The following FBXO34 variants were observed in gnomAD, a reference collection of about 807,000 sequenced individuals.
FBXO34 encodes the protein F-box protein 34.
Under a neutral mutation model 24.5 loss-of-function variants are expected in FBXO34, and 12 were observed. That is an observed-to-expected ratio of 0.49 (90% CI 0.31 to 0.79). The LOEUF (loss-of-function observed/expected upper bound fraction) is 0.79, where lower values mean the gene tolerates loss of function less well. FBXO34 is among the 30% of genes least tolerant of loss of function. The pLI, the probability that FBXO34 is intolerant of heterozygous loss-of-function variation, is 0.04. For synonymous variants in FBXO34, 320 were observed against 311.9 expected, an observed-to-expected ratio of 1.03 and a Z score of -0.27; for missense variants, 823 against 857.7, an observed-to-expected ratio of 0.96 and a Z score of 0.51.
downstream of FBXO34, among the ~76,000 whole-genome samples, chr14:55,374,216 G>GTTTTTTTTTTTTTTAATTTTT (rs112314795): frequency 6.6e-6 from 1 of 151,232 alleles, no homozygotes. Flanking sequence ...TTATTTTAAT[G>GTTTTTTTTTTTTTTAATTTTT]TTTTTTTTTA....
At chr14:55,319,768 C>A (rs1025465649) in intron 1 of FBXO34, among the ~76,000 whole-genome samples, 2 of 152,276 alleles carry the variant, frequency 1.3e-5, no homozygotes, top group South Asian at 4.1e-4. Flanking sequence ...CTCTGCCTCC[C>A]GGGTTTACGC....
At chr14:55,378,298 A>C in the FBXO34 span, among the ~76,000 whole-genome samples, 1 of 152,248 alleles carries the variant, frequency 6.6e-6, no homozygotes, top group Non-Finnish European at 1.5e-5. Flanking sequence ...AAGCAATTCC[A>C]CGTCAGGACA....
the FBXO34 span, among the ~76,000 whole-genome samples, chr14:55,392,012 T>G: frequency 1.3e-5 from 2 of 152,198 alleles, no homozygotes; most frequent in African/African-American, 2.4e-5. Flanking sequence ...CCCCAACTTT[T>G]TTGGCACCAG....
At chr14:55,284,344 T>C (rs1057205083) in intron 1 of FBXO34, among the ~76,000 whole-genome samples, 1 of 151,924 alleles carries the variant, frequency 6.6e-6, no homozygotes, top group Non-Finnish European at 1.5e-5. Context: ...TGAAACCCTG[T>C]CTCTACTAAA....
chr14:55,434,172 C>A, the FBXO34 span, among the ~76,000 whole-genome samples: 1 of 152,174 alleles, frequency 6.6e-6, no homozygotes, highest in Non-Finnish European at 1.5e-5. Context: ...TAAAGGCTCA[C>A]CAAGACTTCA....
the FBXO34 span, chr14:55,424,084 G>T: frequency 2.0e-6 from 2 of 1,006,810 alleles, no homozygotes; most frequent in Non-Finnish European, 3.1e-6. Context: ...GGTGAACAAA[G>T]GTATTTAAAA....
intron 1 of FBXO34, among the ~76,000 whole-genome samples, chr14:55,274,587 T>C (rs1594717593): frequency 6.6e-6 from 1 of 152,222 alleles, no homozygotes; most frequent in Non-Finnish European, 1.5e-5. Flanking sequence ...ATCTTTCTGA[T>C]GGATAAAAGC....
chr14:55,306,466 C>G (rs534046183), intron 1 of FBXO34, among the ~76,000 whole-genome samples: 74 of 152,316 alleles, frequency 4.9e-4, no homozygotes, highest in South Asian at 3.9e-3. Flanking sequence ...GATGTCAGAT[C>G]CAGTATCCAG....
the FBXO34 span, among the ~76,000 whole-genome samples, chr14:55,400,825 A>T: frequency 2.6e-5 from 4 of 151,746 alleles, no homozygotes; most frequent in African/African-American, 9.7e-5. Flanking sequence ...AATTGCTTGA[A>T]CCCGGGAAGC....
At chr14:55,365,379 C>T (rs1054361366), downstream of FBXO34, among the ~76,000 whole-genome samples, 1 of 152,064 alleles carries the variant, frequency 6.6e-6, no homozygotes, top group East Asian at 1.9e-4. Context: ...AAAAAATTCA[C>T]TTCAACTATC....
At chr14:55,406,629 T>C in the FBXO34 span, among the ~76,000 whole-genome samples, 2 of 152,166 alleles carry the variant, frequency 1.3e-5, no homozygotes, top group Admixed American at 1.3e-4. Context: ...CATTAAAAAA[T>C]ATCTGGCTAT....
In FBXO34 at chr14:55,281,991, C is replaced by CTTTT. The variant is rs372305828; in HGVS notation, c.-11+10475_-11+10478dup. Among the ~76,000 whole-genome samples the CTTTT allele has an allele frequency of 4.7e-3, 305 of 65,110 alleles. 16 individuals carry two copies. The highest frequency in any genetic ancestry group is 0.011 in the African/African-American group (142 of 13,084). 42.7% of individuals were successfully genotyped at this position (65,110 alleles called of 152,430 possible). A position where few individuals can be genotyped will look rare whatever the true frequency, so the allele number is the denominator to read the frequency against. On this transcript the variant is annotated intron_variant, in intron 1 of 1. Coordinates refer to ENST00000313833, the MANE Select transcript of FBXO34 (RefSeq NM_017943.4). ...CAGTAAGTTTCATTTTTAAATTTAGCTTTTTTTTTTTTTTTTTTTTTTTTG... is the reference window on the plus strand; with the variant it reads ...CAGTAAGTTTCATTTTTAAATTTAGCTTTTTTTTTTTTTTTTTTTTTTTTTTTTG...
chr14:55,428,704 T>C, the FBXO34 span: 1 of 1,301,060 alleles, frequency 7.7e-7, no homozygotes. Flanking sequence ...CCGCCTTTTT[T>C]TTTTTAATCA....
At chr14:55,280,527 C>CT (rs77678519) in intron 1 of FBXO34, among the ~76,000 whole-genome samples, 1,656 of 125,852 alleles carry the variant, frequency 0.013, 59 homozygotes, top group Middle Eastern at 0.033. Context: ...ATATCAGGAA[C>CT]TTTTTTTTTT....
At chr14:55,438,315 A>C in the FBXO34 span, among the ~76,000 whole-genome samples, 1 of 152,156 alleles carries the variant, frequency 6.6e-6, no homozygotes, top group African/African-American at 2.4e-5. Flanking sequence ...AAGCACTTAG[A>C]ATTAAAAACA....
the FBXO34 span, chr14:55,382,045 C>T: frequency 6.2e-7 from 1 of 1,614,100 alleles, no homozygotes; most frequent in East Asian, 2.2e-5. Context: ...AATCCAAGGC[C>T]CTGTAATGCT....
the FBXO34 span, among the ~76,000 whole-genome samples, chr14:55,424,729 A>G: frequency 6.6e-6 from 1 of 152,258 alleles, no homozygotes; most frequent in African/African-American, 2.4e-5. Flanking sequence ...GTATTTGAAC[A>G]GGTGCTATAT....
At chr14:55,347,070 C>A (rs1395631436) in intron 1 of FBXO34, among the ~76,000 whole-genome samples, 2 of 152,204 alleles carry the variant, frequency 1.3e-5, no homozygotes, top group Non-Finnish European at 2.9e-5. Flanking sequence ...ATCTTAATTT[C>A]TTCTAAGGGC....
intron 1 of FBXO34, among the ~76,000 whole-genome samples, chr14:55,297,958 A>C (rs1281366891): frequency 2.0e-5 from 3 of 152,220 alleles, no homozygotes; most frequent in Non-Finnish European, 2.9e-5. Context: ...AGAAATGTTG[A>C]AAGTTTCTTT....
Sources: allele counts gnomAD v4.1 joint callset (sites outside exome capture counted in the v4.1 genomes callset), GRCh38; gene constraint gnomAD v4.1.1; transcripts MANE v1.5; gene names NCBI Gene and HGNC (gene_info 2026-07-23, HGNC 2026-07-21).